The following SNX18 variants were observed in gnomAD, a reference collection of about 807,000 sequenced individuals.
SNX18 encodes the protein sorting nexin 18, also known as sorting nexin-18.
In SNX18, 35 loss-of-function variants were observed where a neutral mutation model predicts 48.7. The observed-to-expected ratio is 0.72, with a 90% CI of 0.55 to 0.95. The LOEUF is 0.95. Ranked by LOEUF, SNX18 falls within the 40% of genes least tolerant of loss-of-function variation. SNX18 has a pLI of 0.00. For missense variants in SNX18, 824 were observed against 871.0 expected (o/e 0.95, Z 0.68); for synonymous variants, 492 against 384.7 (o/e 1.28, Z -3.26).
chr5:54,613,268 A>G, the SNX18 span, among the ~76,000 whole-genome samples: 1 of 152,096 alleles, frequency 6.6e-6, no homozygotes, highest in Non-Finnish European at 1.5e-5. Context: ...AATTTATAAG[A>G]ACAGAGATTT....
intron 1 of SNX18, among the ~76,000 whole-genome samples, chr5:54,525,872 G>A (rs1762122963): frequency 1.3e-5 from 2 of 152,018 alleles, no homozygotes; most frequent in Non-Finnish European, 2.9e-5. Context: ...ACTGTTTTAC[G>A]GGAGCATGAA....
In SNX18 at chr5:54,518,126, G is replaced by C. The variant is rs531375107; in HGVS notation, c.174G>C (p.Val58=). Residue 58 remains valine (V), a synonymous_variant, in exon 1 of 2, where the codon GTG becomes GTC. Coordinates refer to ENST00000381410, the MANE Select transcript of SNX18 (RefSeq NM_001102575.2). ...TCTTCCCGGCCTCCTATGTGCAGGT[G>C]ATCCGCGCCCCCGAGCCTGGCCCGG... ...RGLFPASYVQ[V]IRAPEPGPAG... 1.9e-4 allele frequency: 279 copies of C among 1,452,810 alleles called. No individual in the cohort carries two copies. The highest frequency in any genetic ancestry group is 2.8e-4 in the Admixed American group (10 of 35,684). The allele number at this position is 1,452,810 out of a possible 1,614,324, so 90.0% of individuals were successfully genotyped here. A position where few individuals can be genotyped will look rare whatever the true frequency, so the allele number is the denominator to read the frequency against.
At chr5:54,528,994 G>T (rs1314729315) in intron 1 of SNX18, among the ~76,000 whole-genome samples, 2 of 152,182 alleles carry the variant, frequency 1.3e-5, no homozygotes, top group Non-Finnish European at 2.9e-5. Flanking sequence ...TTGATGTGCT[G>T]CTGGGTTTAC....
the SNX18 span, among the ~76,000 whole-genome samples, chr5:54,611,881 C>CTT: frequency 2.7e-5 from 4 of 147,210 alleles, no homozygotes; most frequent in East Asian, 2.0e-4. Flanking sequence ...TCTTCTTCTT[C>CTT]TTTTTTTTTA....
rs1218976764 is a variant in SNX18, at chr5:54,517,773, A to C, written c.-180A>C. 2.2e-6 allele frequency: 1 copy of C among 448,952 alleles called. No individual in the cohort carries two copies. Among genetic ancestry groups the C allele is most frequent in the African/African-American group, 2.1e-5 (1 of 48,478 alleles). The allele number at this position is 448,952 out of a possible 1,614,324, so 27.8% of individuals were successfully genotyped here. A position where few individuals can be genotyped will look rare whatever the true frequency, so the allele number is the denominator to read the frequency against. ...CCCAGCGCGGCAGTCGGCGCTGCGA[A>C]GTGGAGGCGCTGCGAGCGGAGCCGC... On this transcript the variant is annotated 5_prime_UTR_variant, in exon 1 of 2. Transcript: ENST00000381410.
the SNX18 span, among the ~76,000 whole-genome samples, chr5:54,622,550 G>C: frequency 2.7e-5 from 4 of 149,636 alleles, no homozygotes; most frequent in Non-Finnish European, 4.4e-5. Flanking sequence ...ACCACTGTAG[G>C]GCTCTGCAAA....
At chr5:54,642,131 T>C in the SNX18 span, among the ~76,000 whole-genome samples, 2 of 152,166 alleles carry the variant, frequency 1.3e-5, no homozygotes, top group East Asian at 3.9e-4. Context: ...TCCCCAACTA[T>C]CAGGAACCAT....
chr5:54,528,135 CACAT>C, intron 1 of SNX18, among the ~76,000 whole-genome samples: 1 of 85,740 alleles, frequency 1.2e-5, no homozygotes, highest in South Asian at 3.9e-4. Flanking sequence ...TGCATACACG[CACAT>C]ACACACACAC....
chr5:54,617,722 CTCTT>C, the SNX18 span, among the ~76,000 whole-genome samples: 1 of 152,054 alleles, frequency 6.6e-6, no homozygotes, highest in Non-Finnish European at 1.5e-5. Context: ...TTTCCCCTCT[CTCTT>C]TTTCTTTTTT....
At chr5:54,563,907 A>G in the SNX18 span, among the ~76,000 whole-genome samples, 25,278 of 151,980 alleles carry the variant, frequency 0.17, 2,457 homozygotes, top group Middle Eastern at 0.26. Flanking sequence ...ATATATGTAT[A>G]TAATTTTTAT....
At chr5:54,564,700 T>C in the SNX18 span, among the ~76,000 whole-genome samples, 2 of 152,000 alleles carry the variant, frequency 1.3e-5, no homozygotes, top group Non-Finnish European at 2.9e-5. Context: ...CTACTAAAAA[T>C]ACAAAAAGTT....
chr5:54,555,378 C>CTTTTTTTT, the SNX18 span, among the ~76,000 whole-genome samples: 1 of 144,552 alleles, frequency 6.9e-6, no homozygotes. Context: ...GCATACCTTT[C>CTTTTTTTT]TTTTTTTTTT....
chr5:54,647,036 A>G, the SNX18 span, among the ~76,000 whole-genome samples: 1 of 152,142 alleles, frequency 6.6e-6, no homozygotes, highest in African/African-American at 2.4e-5. Context: ...GAGATTACCA[A>G]CTTGGCTCAC....
At chr5:54,587,663 T>C in the SNX18 span, among the ~76,000 whole-genome samples, 3 of 152,198 alleles carry the variant, frequency 2.0e-5, no homozygotes, top group African/African-American at 2.4e-5. Flanking sequence ...AGCCTGCTGC[T>C]CTTCTTTAGT....
chr5:54,573,137 G>A, the SNX18 span, among the ~76,000 whole-genome samples: 1 of 151,916 alleles, frequency 6.6e-6, no homozygotes, highest in Admixed American at 6.6e-5. Flanking sequence ...TAATAATATC[G>A]ATTCTTGCAA....
At chr5:54,552,646 G>T in the SNX18 span, among the ~76,000 whole-genome samples, 147 of 152,136 alleles carry the variant, frequency 9.7e-4, no homozygotes, top group Middle Eastern at 6.8e-3. Flanking sequence ...CATCCTGGAC[G>T]CTGGGACCGA....
At chr5:54,533,120 T>A (rs1166111102) in intron 1 of SNX18, among the ~76,000 whole-genome samples, 1 of 152,248 alleles carries the variant, frequency 6.6e-6, no homozygotes, top group Non-Finnish European at 1.5e-5. Context: ...TTTTTCTTTT[T>A]GCAGTTGACT....
In SNX18 at chr5:54,519,309, G is replaced by A. The variant is rs1264836696; in HGVS notation, c.1357G>A (p.Ala453Thr). Reference sequence around the variant, plus strand: ...GCTCAACCACACGGCCAACGAGTTCGCGCGCAAGCAGGTGACCGGCTTCAA... The same window carrying A: ...GCTCAACCACACGGCCAACGAGTTCACGCGCAAGCAGGTGACCGGCTTCAA... Reference protein sequence around the residue: ...LQLNHTANEFARKQVTGFKKE... With the variant: ...LQLNHTANEFTRKQVTGFKKE... Residue 453 changes from alanine (A) to threonine (T), a missense_variant, in exon 1 of 2, where the codon GCG becomes ACG. Around this residue, in one of 3 missense-constraint regions of SNX18, gnomAD observed 443 missense variants for 503.6 expected, o/e 0.88. Transcript: ENST00000381410. The A allele has an allele frequency of 1.9e-6, 3 of 1,613,954 alleles. No individual in the cohort carries two copies. Among genetic ancestry groups the A allele is most frequent in the Non-Finnish European group, 2.5e-6 (3 of 1,179,946 alleles).
chr5:54,597,858 AG>A, the SNX18 span, among the ~76,000 whole-genome samples: 2 of 152,274 alleles, frequency 1.3e-5, no homozygotes, highest in Non-Finnish European at 2.9e-5. Flanking sequence ...CAAACCCCAA[AG>A]CTAGCAGAAG....
Sources: allele counts gnomAD v4.1 joint callset (sites outside exome capture counted in the v4.1 genomes callset), GRCh38; gene constraint gnomAD v4.1.1; regional missense constraint gnomAD v4.1.1; transcripts MANE v1.5; gene names NCBI Gene and HGNC (gene_info 2026-07-23, HGNC 2026-07-21).